The following GAREM1 variants were observed in gnomAD, a reference collection of about 807,000 sequenced individuals.
The protein encoded by GAREM1 is GRB2 associated regulator of MAPK1 subtype 1.
Under a neutral mutation model 71.3 loss-of-function variants are expected in GAREM1, and 26 were observed. That is an observed-to-expected ratio of 0.36 (90% CI 0.27 to 0.51). The LOEUF (loss-of-function observed/expected upper bound fraction) is 0.51. Ranked by LOEUF, GAREM1 falls within the 20% of genes least tolerant of loss-of-function variation. GAREM1 has a pLI of 0.95. For synonymous variants in GAREM1, 440 were observed against 433.2 expected (o/e 1.02, Z -0.20); for missense variants, 1,026 against 1,103.1 (o/e 0.93, Z 0.99).
intron 1 of GAREM1, among the ~76,000 whole-genome samples, chr18:32,411,823 T>C (rs891240086): frequency 6.6e-6 from 1 of 151,900 alleles, no homozygotes; most frequent in African/African-American, 2.4e-5. Context: ...TTCACACTGT[T>C]GGGGAAATTT....
intron 1 of GAREM1, among the ~76,000 whole-genome samples, chr18:32,446,174 A>G (rs1368652615): frequency 6.6e-6 from 1 of 151,836 alleles, no homozygotes; most frequent in Non-Finnish European, 1.5e-5. Context: ...GTACACAATA[A>G]ATGGCTACCA....
rs1213954921 is a variant in GAREM1 at position 32,346,124 on chromosome 18, A to G, written c.263-35801T>C. On this transcript the variant is annotated intron_variant, in intron 2 of 5. Coordinates refer to ENST00000269209, the MANE Select transcript of GAREM1 (RefSeq NM_001242409.2). ...TTTGGCTCCTTTGTGGTCTGTTTTT[A>G]TTGCCTGTTGCTTTATTTTTTATAA... Among the ~76,000 whole-genome samples the G allele has an allele frequency of 4.6e-5, 7 of 151,964 alleles. No individual in the cohort carries two copies. The East Asian group carries it at 1.4e-3, about 29-fold the overall frequency.
intron 3 of GAREM1, among the ~76,000 whole-genome samples, chr18:32,295,633 TATA>T (rs2047132332): frequency 2.0e-5 from 3 of 152,342 alleles, no homozygotes; most frequent in South Asian, 4.1e-4. Context: ...GTGATCTCTG[TATA>T]ATTTTAATCT....
intron 3 of GAREM1, among the ~76,000 whole-genome samples, chr18:32,305,150 A>G (rs961835137): frequency 7.9e-5 from 12 of 152,326 alleles, no homozygotes; most frequent in African/African-American, 2.6e-4. Flanking sequence ...AAAAAAGTGA[A>G]AGAGACAGGT....
At chr18:32,437,981 G>A (rs1311208485) in intron 1 of GAREM1, among the ~76,000 whole-genome samples, 2 of 152,032 alleles carry the variant, frequency 1.3e-5, no homozygotes, top group Non-Finnish European at 2.9e-5. Flanking sequence ...GTAAACTAAT[G>A]TCCAAAAGTC....
intron 2 of GAREM1, among the ~76,000 whole-genome samples, chr18:32,346,271 AAACAT>A (rs2047695900): frequency 6.6e-6 from 1 of 152,232 alleles, no homozygotes; most frequent in Admixed American, 6.5e-5. Context: ...GCTTCATTAT[AAACAT>A]AACTGAAAAA....
chr18:32,322,028 A>C (rs2047433751), intron 2 of GAREM1, among the ~76,000 whole-genome samples: 1 of 152,216 alleles, frequency 6.6e-6, no homozygotes, highest in Non-Finnish European at 1.5e-5. Context: ...AAGGGACAAG[A>C]GAGGGACTAG....
chr18:32,414,684 C>T (rs140511563), intron 1 of GAREM1, among the ~76,000 whole-genome samples: 12 of 151,884 alleles, frequency 7.9e-5, no homozygotes, highest in African/African-American at 2.4e-4. Context: ...ACAATGGAAA[C>T]ACAACATACT....
intron 1 of GAREM1, among the ~76,000 whole-genome samples, chr18:32,406,293 G>T (rs2048365524): frequency 6.6e-6 from 1 of 152,076 alleles, no homozygotes; most frequent in African/African-American, 2.4e-5. Flanking sequence ...ACCTCCCAAA[G>T]TGCTTGGATT....
chr18:32,382,603 A>G (rs530344790), intron 2 of GAREM1, among the ~76,000 whole-genome samples: 1 of 152,292 alleles, frequency 6.6e-6, no homozygotes, highest in South Asian at 2.1e-4. Flanking sequence ...TCACGTGGGA[A>G]ACATCTCTGA....
chr18:32,419,839 T>C (rs1243913427), intron 1 of GAREM1, among the ~76,000 whole-genome samples: 1 of 152,188 alleles, frequency 6.6e-6, no homozygotes, highest in Non-Finnish European at 1.5e-5. Context: ...TTAAAGAGAA[T>C]GATGGGTCAA....
intron 2 of GAREM1, among the ~76,000 whole-genome samples, chr18:32,346,902 G>GTC (rs1312261149): frequency 6.6e-6 from 1 of 152,114 alleles, no homozygotes; most frequent in Non-Finnish European, 1.5e-5. Flanking sequence ...AAAGAGGCCG[G>GTC]TCACCAGGGC....
chr18:32,319,296 T>C (rs2047408404), intron 2 of GAREM1, among the ~76,000 whole-genome samples: 1 of 152,174 alleles, frequency 6.6e-6, no homozygotes, highest in Non-Finnish European at 1.5e-5. Context: ...AATAAGTAAA[T>C]AAACCTGGGT....
At chr18:32,404,587 G>A (rs2048348324) in intron 1 of GAREM1, among the ~76,000 whole-genome samples, 1 of 152,150 alleles carries the variant, frequency 6.6e-6, no homozygotes, top group African/African-American at 2.4e-5. Flanking sequence ...TCAGAGTATT[G>A]TATTTCACAT....
At chr18:32,379,744 C>T (rs550552192) in intron 2 of GAREM1, among the ~76,000 whole-genome samples, 2 of 151,138 alleles carry the variant, frequency 1.3e-5, no homozygotes, top group Admixed American at 6.6e-5. Context: ...AGAGAATTAG[C>T]GATAGAAGAG....
intron 3 of GAREM1, among the ~76,000 whole-genome samples, chr18:32,294,391 C>A (rs1460635382): frequency 6.6e-6 from 1 of 152,100 alleles, no homozygotes; most frequent in Non-Finnish European, 1.5e-5. Context: ...AGGGTGTCCT[C>A]ATTATTATTC....
At chr18:32,372,106 A>G (rs1443492439) in intron 2 of GAREM1, among the ~76,000 whole-genome samples, 2 of 152,194 alleles carry the variant, frequency 1.3e-5, no homozygotes, top group African/African-American at 4.8e-5. Flanking sequence ...TTTTAAATTA[A>G]TTGAAATTTC....
chr18:32,364,028 G>GTTT (rs1157200391), intron 2 of GAREM1, among the ~76,000 whole-genome samples: 394 of 21,638 alleles, frequency 0.018, 52 homozygotes, highest in African/African-American at 0.069. Flanking sequence ...ATATATATAT[G>GTTT]TTTTTTTTTT....
intron 1 of GAREM1, among the ~76,000 whole-genome samples, chr18:32,402,878 GTGGAGTGGACCTTTTGGT>G (rs111873426): frequency 0.13 from 20,254 of 151,956 alleles, 1,559 homozygotes; most frequent in African/African-American, 0.21. Context: ...ATCTGTGCTC[GTGGAGTGGACCTTTTGGT>G]TGGATTTTCA....
Sources: gnomAD v4.1 joint callset for allele counts (sites outside exome capture counted in the v4.1 genomes callset) on GRCh38, gnomAD v4.1.1 for gene constraint, MANE v1.5 for transcripts, NCBI Gene and HGNC (gene_info 2026-07-23, HGNC 2026-07-21) for gene names.